FAAH2: variants seen among roughly 807,000 people sequenced by gnomAD.
FAAH2 encodes the protein fatty-acid amide hydrolase 2.
FAAH2 carries 60 observed loss-of-function variants against 36.9 expected under a neutral mutation model. That is an observed-to-expected ratio of 1.63 (90% confidence interval 1.32 to 2.02). The LOEUF is 2.02. FAAH2 is among the 30% of genes most tolerant of loss of function. FAAH2 has a pLI of 0.00. For synonymous variants in FAAH2, 214 were observed against 143.8 expected (o/e 1.49, Z -3.49); for missense variants, 689 against 397.5 (o/e 1.73, Z -6.23).
At chrX:57,368,301 C>A (rs2054469844) in intron 5 of FAAH2, among the ~76,000 whole-genome samples, 1 of 107,834 alleles carries the variant, frequency 9.3e-6, no homozygotes, top group African/African-American at 3.4e-5. Flanking sequence ...AGCTAGGCCC[C>A]TGCATGCACC....
At chrX:57,417,216 G>A (rs893453682) in intron 7 of FAAH2, among the ~76,000 whole-genome samples, 1 of 111,849 alleles carries the variant, frequency 8.9e-6, no homozygotes, top group African/African-American at 3.3e-5. Flanking sequence ...ACCTTCTGAA[G>A]CCTTCTTCCA....
the FAAH2 span, among the ~76,000 whole-genome samples, chrX:57,157,700 G>T: frequency 1.8e-5 from 2 of 111,998 alleles, no homozygotes; most frequent in East Asian, 5.5e-4. Context: ...TGACGTTTTG[G>T]TTCTTACAAA....
chrX:57,459,030 C>T (rs1027292529), intron 10 of FAAH2, among the ~76,000 whole-genome samples: 2 of 111,997 alleles, frequency 1.8e-5, no homozygotes, highest in Non-Finnish European at 3.8e-5. Context: ...CAAGTGGTCT[C>T]GCTCAGTGGT....
At chrX:57,326,639 G>T (rs1223780597) in intron 3 of FAAH2, among the ~76,000 whole-genome samples, 6 of 92,169 alleles carry the variant, frequency 6.5e-5, no homozygotes, top group East Asian at 3.3e-4. Context: ...AAAGTCTGTT[G>T]TATCGGAGAC....
chrX:57,220,664 G>A, the FAAH2 span, among the ~76,000 whole-genome samples: 7 of 112,168 alleles, frequency 6.2e-5, no homozygotes, highest in Non-Finnish European at 1.3e-4. Context: ...GGCCCACGGG[G>A]CCGCAGCTCC....
chrX:57,154,353 TC>T, the FAAH2 span, among the ~76,000 whole-genome samples: 1 of 105,809 alleles, frequency 9.5e-6, no homozygotes, highest in Non-Finnish European at 1.9e-5. Context: ...CAACCTTTGC[TC>T]CCCAGTTCAA....
intron 10 of FAAH2, among the ~76,000 whole-genome samples, chrX:57,450,155 T>C (rs1341881930): frequency 9.0e-6 from 1 of 110,872 alleles, no homozygotes. Context: ...GGTTTGTAAC[T>C]TTTCCCTCTA....
chrX:57,239,607 A>G, the FAAH2 span, among the ~76,000 whole-genome samples: 2 of 110,964 alleles, frequency 1.8e-5, no homozygotes, highest in South Asian at 7.7e-4. Context: ...GAAAATTTTC[A>G]TAGACAATAT....
chrX:57,487,025 A>G (rs970529586), intron 10 of FAAH2, among the ~76,000 whole-genome samples: 3 of 111,767 alleles, frequency 2.7e-5, no homozygotes, highest in Non-Finnish European at 5.6e-5. Context: ...AGACAGTTCA[A>G]TGAAGAATTA....
chrX:57,343,782 A>C (rs1045357762), intron 5 of FAAH2, among the ~76,000 whole-genome samples: 2 of 111,205 alleles, frequency 1.8e-5, no homozygotes, highest in Non-Finnish European at 3.8e-5. Flanking sequence ...TATTTAGTTA[A>C]TTTTTGCATA....
chrX:57,386,107 CAG>C (rs2055017111), intron 7 of FAAH2, among the ~76,000 whole-genome samples: 1 of 111,133 alleles, frequency 9.0e-6, no homozygotes, highest in South Asian at 3.7e-4. Context: ...AGCCCAGAAA[CAG>C]AATTTCTTCC....
chrX:57,352,032 ATATAC>A (rs2054013769), intron 5 of FAAH2, among the ~76,000 whole-genome samples: 1 of 10,938 alleles, frequency 9.1e-5, no homozygotes, highest in South Asian at 0.012. Flanking sequence ...ATATATATAT[ATATAC>A]ATATATATAT....
the FAAH2 span, among the ~76,000 whole-genome samples, chrX:57,176,716 AT>A: frequency 3.6e-5 from 4 of 111,245 alleles, no homozygotes; most frequent in Non-Finnish European, 7.6e-5. Context: ...TCTTCTAATT[AT>A]TTTTGCATTT....
At chrX:57,442,736 A>G (rs1349948808) in intron 8 of FAAH2, among the ~76,000 whole-genome samples, 1 of 111,914 alleles carries the variant, frequency 8.9e-6, no homozygotes, top group Non-Finnish European at 1.9e-5. Context: ...ATGTTTTTGC[A>G]GTGGCTGTTA....
At chrX:57,311,323 G>T (rs1447494751) in intron 3 of FAAH2, among the ~76,000 whole-genome samples, 2 of 112,495 alleles carry the variant, frequency 1.8e-5, no homozygotes, top group Admixed American at 9.4e-5. Context: ...TGAAAAGAAA[G>T]ATTTAAAATC....
chrX:57,324,671 G>A (rs1377479999), intron 3 of FAAH2, among the ~76,000 whole-genome samples: 1 of 111,987 alleles, frequency 8.9e-6, no homozygotes, highest in Non-Finnish European at 1.9e-5. Flanking sequence ...GAATGCTTGT[G>A]ATTTTTGCAC....
chrX:57,238,948 C>A, the FAAH2 span, among the ~76,000 whole-genome samples: 10 of 112,045 alleles, frequency 8.9e-5, no homozygotes, highest in Non-Finnish European at 1.7e-4. Flanking sequence ...GTATCCATTT[C>A]ACTGAAAATA....
At chrX:57,334,268 T>TCACACACACA (rs60873866) in intron 4 of FAAH2, among the ~76,000 whole-genome samples, 24,288 of 85,513 alleles carry the variant, frequency 0.28, 2,891 homozygotes, top group Middle Eastern at 0.54. Context: ...AGATTCCGTC[T>TCACACACACA]CACACACACA....
chrX:57,212,558 T>C, the FAAH2 span, among the ~76,000 whole-genome samples: 1 of 112,571 alleles, frequency 8.9e-6, no homozygotes, highest in Non-Finnish European at 1.9e-5. Flanking sequence ...AAAATATTCA[T>C]TGAAGAAATT....
Sources: gnomAD v4.1 joint callset for allele counts (sites outside exome capture counted in the v4.1 genomes callset) on GRCh38, gnomAD v4.1.1 for gene constraint, MANE v1.5 for transcripts, NCBI Gene and HGNC (gene_info 2026-07-23, HGNC 2026-07-21) for gene names.